The following ZBTB46 variants were observed in gnomAD, a reference collection of about 807,000 sequenced individuals.
ZBTB46 encodes zinc finger and BTB domain-containing protein 46.
Under a neutral mutation model 44.1 loss-of-function variants are expected in ZBTB46, and 8 were observed. The ratio of observed to expected loss-of-function variants is 0.18; its 90% CI spans 0.11 to 0.33. The LOEUF (loss-of-function observed/expected upper bound fraction) is 0.33. ZBTB46 is among the 10% of genes least tolerant of loss of function. ZBTB46 has a pLI of 1.00. For missense variants in ZBTB46, 651 were observed against 847.7 expected (o/e 0.77, Z 2.88); for synonymous variants, 409 against 382.3 (o/e 1.07, Z -0.81).
rs371967622 is a variant in ZBTB46, at chr20:63,763,591, G to A, written c.1223-10730C>T. Among the ~76,000 whole-genome samples, 54 of 152,264 alleles carry A rather than the reference G, an allele frequency of 3.5e-4. 1 individual carries two copies. In the East Asian group the frequency reaches 9.7e-3, roughly 27 times the overall value. ...ATCTTGTGAGACCTCACTATCATGA[G>A]GACAGCACTAAGGGGAGGGAGCTAA... On this transcript the variant is annotated intron_variant, in intron 3 of 4. Transcript: ENST00000245663.
chr20:63,781,160 A>AG (rs2092467264), intron 2 of ZBTB46, among the ~76,000 whole-genome samples: 1 of 143,806 alleles, frequency 7.0e-6, no homozygotes, highest in Admixed American at 7.3e-5. Flanking sequence ...AAAAAAAAAA[A>AG]AAAGAAAGAA....
intron 3 of ZBTB46, among the ~76,000 whole-genome samples, chr20:63,763,860 G>A (rs2092296920): frequency 6.6e-6 from 1 of 152,070 alleles, no homozygotes; most frequent in South Asian, 2.1e-4. Flanking sequence ...CATATGTTTT[G>A]CTTCTATTTA....
At chr20:63,760,999 C>CTTTTT (rs372831458) in intron 3 of ZBTB46, among the ~76,000 whole-genome samples, 2 of 127,912 alleles carry the variant, frequency 1.6e-5, no homozygotes, top group East Asian at 2.1e-4. Context: ...ATTGATAGCT[C>CTTTTT]TTTTTTTTTT....
intron 1 of ZBTB46, among the ~76,000 whole-genome samples, chr20:63,827,632 A>C (rs1224319111): frequency 9.9e-5 from 15 of 152,064 alleles, no homozygotes; most frequent in East Asian, 3.9e-4. Flanking sequence ...AAAAAACAAA[A>C]AAAAAAAACC....
chr20:63,784,067 G>A (rs770173369), intron 2 of ZBTB46, among the ~76,000 whole-genome samples: 27 of 152,204 alleles, frequency 1.8e-4, no homozygotes, highest in African/African-American at 4.8e-4. Context: ...GGCTGAGACC[G>A]TGGTGGGGGT....
chr20:63,799,386 G>A (rs2092627063), intron 1 of ZBTB46, among the ~76,000 whole-genome samples: 1 of 147,274 alleles, frequency 6.8e-6, no homozygotes, highest in African/African-American at 2.5e-5. Context: ...TCTTGCTGTC[G>A]CCCAGGCTAG....
intron 1 of ZBTB46, among the ~76,000 whole-genome samples, chr20:63,814,629 G>C (rs573879240): frequency 2.0e-5 from 3 of 152,266 alleles, no homozygotes; most frequent in Non-Finnish European, 4.4e-5. Flanking sequence ...ACCTCCCAGA[G>C]GAGTGCAGCA....
chr20:63,826,142 T>A lies in ZBTB46; in HGVS notation c.-34+4955A>T, dbSNP rs189433758. On this transcript the variant is annotated intron_variant, in intron 1 of 4. Transcript: ENST00000245663. ...AGGCTTTCTGTGCAAGAGGCTTCAT[T>A]TTCTTCATTTTCTTCAGAGTGGTTG... 2.6e-3 allele frequency among the ~76,000 whole-genome samples: 398 copies of A among 152,304 alleles called. 1 individual carries two copies. The highest frequency in any genetic ancestry group is 4.2e-3 in the Non-Finnish European group (287 of 67,988).
intron 3 of ZBTB46, among the ~76,000 whole-genome samples, chr20:63,771,177 C>T (rs1328226182): frequency 6.6e-6 from 1 of 152,218 alleles, no homozygotes; most frequent in East Asian, 1.9e-4. Flanking sequence ...CCAGCCGAGG[C>T]CGCTCTTGTC....
intron 1 of ZBTB46, among the ~76,000 whole-genome samples, chr20:63,810,781 C>T (rs2092713164): frequency 6.6e-6 from 1 of 152,124 alleles, no homozygotes; most frequent in Non-Finnish European, 1.5e-5. Flanking sequence ...AAAACACAAA[C>T]GCGAGAACGT....
intron 1 of ZBTB46, among the ~76,000 whole-genome samples, chr20:63,819,656 G>C (rs370293288): frequency 4.6e-5 from 7 of 152,116 alleles, no homozygotes; most frequent in Admixed American, 3.9e-4. Context: ...ACCACTTCTC[G>C]GCCTCCCTGA....
intron 1 of ZBTB46, chr20:63,815,259 A>T (rs558735472): frequency 3.6e-6 from 1 of 276,582 alleles, no homozygotes; most frequent in East Asian, 1.3e-4. Flanking sequence ...CAGTGGGTGC[A>T]GGTGGGCACC....
chr20:63,808,360 C>T (rs371846031), intron 1 of ZBTB46, among the ~76,000 whole-genome samples: 1 of 152,282 alleles, frequency 6.6e-6, no homozygotes, highest in Admixed American at 6.5e-5. Flanking sequence ...GGGGAGGGCC[C>T]GGAAGGCAGA....
At chr20:63,781,702 G>A (rs1388034224) in intron 2 of ZBTB46, among the ~76,000 whole-genome samples, 1 of 152,012 alleles carries the variant, frequency 6.6e-6, no homozygotes, top group Non-Finnish European at 1.5e-5. Flanking sequence ...TGAGGCAGGA[G>A]AATTGCTTGA....
intron 2 of ZBTB46, among the ~76,000 whole-genome samples, chr20:63,782,096 A>AAG (rs1555845695): frequency 1.6e-5 from 2 of 124,924 alleles, no homozygotes; most frequent in African/African-American, 5.8e-5. Context: ...CAAAAAAAAA[A>AAG]AAAAGAAAAG....
chr20:63,828,225 G>C (rs1210677229), intron 1 of ZBTB46, among the ~76,000 whole-genome samples: 1 of 152,268 alleles, frequency 6.6e-6, no homozygotes, highest in East Asian at 1.9e-4. Flanking sequence ...AAGGGTCTAA[G>C]TGATAACAGA....
rs1389999891 is a variant in ZBTB46 at position 63,790,219 on chromosome 20, G to T, written c.539C>A (p.Ser180Tyr). 4 of 1,612,268 alleles carry T rather than the reference G, an allele frequency of 2.5e-6. No homozygotes were observed. The highest frequency in any genetic ancestry group is 3.4e-6 in the Non-Finnish European group (4 of 1,179,418). The change falls in exon 2 of 5, where the codon TCT becomes TAT. Residue 180 changes from serine (S) to tyrosine (Y), a missense_variant. Ser to Tyr is a moderately radical substitution (Grantham distance 144). Coordinates refer to ENST00000245663, the MANE Select transcript of ZBTB46 (RefSeq NM_001369741.1). Reference protein sequence around the residue: ...WLARRTSPANSSGDSAIASCH... With the variant: ...WLARRTSPANYSGDSAIASCH... ...GCTGGCGATGGCCGAGTCTCCGGAAGAATTGGCAGGACTCGTTCGCCGTGC... is the reference window on the plus strand; with the variant it reads ...GCTGGCGATGGCCGAGTCTCCGGAATAATTGGCAGGACTCGTTCGCCGTGC...
chr20:63,779,063 C>T (rs1222725069), intron 2 of ZBTB46, among the ~76,000 whole-genome samples: 1 of 152,000 alleles, frequency 6.6e-6, no homozygotes, highest in East Asian at 1.9e-4. Context: ...TGCTCACGAG[C>T]GTGTTCAGGG....
intron 1 of ZBTB46, among the ~76,000 whole-genome samples, chr20:63,810,226 A>G (rs2092709935): frequency 6.6e-6 from 1 of 152,216 alleles, no homozygotes; most frequent in South Asian, 2.1e-4. Flanking sequence ...ACAAACAGAA[A>G]AAGACCCAAA....
Sources: gnomAD v4.1 joint callset for allele counts (sites outside exome capture counted in the v4.1 genomes callset) on GRCh38, gnomAD v4.1.1 for gene constraint, MANE v1.5 for transcripts, NCBI Gene and HGNC (gene_info 2026-07-23, HGNC 2026-07-21) for gene names.